The following SYNE2 variants were observed in gnomAD, a reference collection of about 807,000 sequenced individuals.
SYNE2 encodes nesprin-2.
A neutral mutation model predicts 856.3 loss-of-function variants in SYNE2; 431 were observed. That is an observed-to-expected ratio of 0.50 (90% CI 0.47 to 0.55). The LOEUF (loss-of-function observed/expected upper bound fraction) is 0.55. SYNE2 is among the 20% of genes least tolerant of loss of function. SYNE2 has a pLI of 0.00. For synonymous variants in SYNE2, 2,923 were observed against 2,872.3 expected (o/e 1.02, Z -0.56); for missense variants, 8,129 against 8,023.2 (o/e 1.01, Z -0.50).
At chr14:63,949,729 A>G (rs2096120658) in intron 6 of SYNE2, 96 bp from the exon 7 acceptor site, 1 of 1,214,664 alleles carries the variant, frequency 8.2e-7, no homozygotes, top group Non-Finnish European at 1.2e-6. Context: ...TGACTGTCAC[A>G]GGATGCTTTT....
At chr14:64,066,154 C>A (rs1276735251) in intron 51 of SYNE2, among the ~76,000 whole-genome samples, 1 of 152,022 alleles carries the variant, frequency 6.6e-6, no homozygotes, top group East Asian at 1.9e-4. Flanking sequence ...GTTAATTTAA[C>A]CTTGGTTCAG....
chr14:63,983,563 T>G (rs967238792), intron 17 of SYNE2, among the ~76,000 whole-genome samples, 174 bp from the exon 18 acceptor site: 1 of 152,214 alleles, frequency 6.6e-6, no homozygotes, highest in African/African-American at 2.4e-5. Context: ...TTTCAACTGA[T>G]TCTTAACAAT....
chr14:64,187,550 G>A lies in SYNE2; in HGVS notation c.17712+971G>A, dbSNP rs538469051. Among the ~76,000 whole-genome samples the A allele has an allele frequency of 1.5e-4, 23 of 152,280 alleles. 2 individuals are homozygous for A. The South Asian group carries it at 4.8e-3, about 32-fold the overall frequency. On this transcript the variant is annotated intron_variant, in intron 97 of 115. Coordinates refer to ENST00000555002, the MANE Select transcript of SYNE2 (RefSeq NM_182914.3). The stretch of plus-strand genomic sequence containing the variant: ...AGATAAACAGATGCCCCGAGGAATG[G>A]AAACACAACACTTGTTTTTCTAGGA...
chr14:63,816,792 C>T (rs1401568806), intron 1 of SYNE2, among the ~76,000 whole-genome samples: 1 of 152,134 alleles, frequency 6.6e-6, no homozygotes, highest in Non-Finnish European at 1.5e-5. Flanking sequence ...TCATAGCTCA[C>T]TGCAGCCGTG....
intron 66 of SYNE2, among the ~76,000 whole-genome samples, chr14:64,116,419 G>A (rs970264038): frequency 1.3e-5 from 2 of 152,090 alleles, no homozygotes; most frequent in African/African-American, 4.8e-5. Flanking sequence ...TGAGTTAAAA[G>A]TACCATTACT....
At position 64,190,204 on chromosome 14, in the gene SYNE2, G is replaced by A. The variant is rs764566778; in HGVS notation, c.18005G>A (p.Arg6002His). The A allele has an allele frequency of 9.9e-6, 16 of 1,614,040 alleles. No homozygotes were observed. The highest frequency in any genetic ancestry group is 4.5e-5 in the East Asian group (2 of 44,882). Residue 6002 changes from arginine (R) to histidine (H), a missense_variant, in exon 99 of 116, where the codon CGT (arginine) becomes CAT (histidine). Arg to His is a conservative substitution (Grantham distance 29). Around this residue, in one of 3 missense-constraint regions of SYNE2, gnomAD observed 5,410 missense variants for 5,284.8 expected, o/e 1.02. Transcript: ENST00000555002. ...GACAAGCTCAACAAAATTAACGATC[G>A]TTGGCAACATCTTTTTGATGTCATC... The part of the protein sequence containing the change: ...IDDKLNKIND[R>H]WQHLFDVIGS...
At chr14:64,087,560 A>C in intron 57 of SYNE2, 111 bp from the exon 58 acceptor site, 1 of 1,133,132 alleles carries the variant, frequency 8.8e-7, no homozygotes, top group Non-Finnish European at 1.3e-6. Flanking sequence ...ACTAGAAATG[A>C]CTAGTTTAAA....
chr14:63,923,567 G>A (rs541275036), intron 2 of SYNE2, among the ~76,000 whole-genome samples: 2 of 152,324 alleles, frequency 1.3e-5, no homozygotes, highest in East Asian at 3.9e-4. Flanking sequence ...GGTGCTGCAG[G>A]CAAAATGAGG....
chr14:64,013,982 T>C (rs1306071393), intron 32 of SYNE2, among the ~76,000 whole-genome samples: 1 of 152,072 alleles, frequency 6.6e-6, no homozygotes, highest in African/African-American at 2.4e-5. Context: ...GTTATTGCCA[T>C]TTTCTAGCCC....
rs770201996 is a variant in SYNE2 at position 63,982,777 on chromosome 14, G to C, written c.1984G>C (p.Val662Leu). The C allele has an allele frequency of 8.1e-6, 13 of 1,613,810 alleles. No homozygotes were observed. The Admixed American group carries it at 2.0e-4, about 25-fold the overall frequency. Residue 662 changes from valine to leucine, a missense_variant, in exon 17 of 116, where the codon GTT becomes CTT. This residue lies in a region of SYNE2 where 2,422 missense variants were observed against 2,357.4 expected (regional missense o/e 1.03). Transcript: ENST00000555002. ...RRLNKRWRKLVSKTQLEMNLP... is the reference protein window; with the variant it reads ...RRLNKRWRKLLSKTQLEMNLP... Reference sequence around the variant, plus strand: ...GCTGAATAAAAGATGGAGAAAGTTGGTTTCAAAAACTCAACTTGTAAGTTC... The same window carrying C: ...GCTGAATAAAAGATGGAGAAAGTTGCTTTCAAAAACTCAACTTGTAAGTTC...
chr14:63,827,035 T>C (rs146568571), intron 1 of SYNE2, among the ~76,000 whole-genome samples: 5,326 of 152,134 alleles, frequency 0.035, 191 homozygotes, highest in African/African-American at 0.086. Flanking sequence ...CCCAGCACTT[T>C]GGGAGGCTGA....
intron 33 of SYNE2, 79 bp from the exon 34 acceptor site, chr14:64,017,516 A>G (rs947050648): frequency 1.6e-6 from 2 of 1,231,552 alleles, no homozygotes; most frequent in Non-Finnish European, 2.4e-6. Flanking sequence ...ATTTTATTTT[A>G]AAACAGTGTT....
chr14:63,788,025 C>T (rs1279525581), intron 1 of SYNE2, among the ~76,000 whole-genome samples: 1 of 152,228 alleles, frequency 6.6e-6, no homozygotes, highest in Non-Finnish European at 1.5e-5. Context: ...CTTGGCTTCC[C>T]CTCTCACGCT....
chr14:64,173,421 C>A (rs1229757437), intron 94 of SYNE2, among the ~76,000 whole-genome samples: 2 of 152,124 alleles, frequency 1.3e-5, no homozygotes, highest in Non-Finnish European at 2.9e-5. Flanking sequence ...TATTTGTGTG[C>A]TGCTCCTGAG....
rs372150492 is a variant in SYNE2 at position 63,990,946 on chromosome 14, A to G, written c.2477A>G (p.Asn826Ser). The G allele has an allele frequency of 3.5e-4, 563 of 1,614,060 alleles. No homozygotes were observed. The highest frequency in any genetic ancestry group is 4.5e-4 in the Non-Finnish European group (532 of 1,179,942). Reference sequence around the variant, plus strand: ...GAGAATTTTTTTGTCTTCAAGATCAATGTGGTAAAACTCATTGCAGCGTTG... The same window carrying G: ...GAGAATTTTTTTGTCTTCAAGATCAGTGTGGTAAAACTCATTGCAGCGTTG... ...IQEAKEKVQINVVKLIAALKN... is the reference protein window; with the variant it reads ...IQEAKEKVQISVVKLIAALKN... Residue 826 changes from asparagine to serine, a missense_variant, in exon 21 of 116, where the codon AAT becomes AGT. Coordinates refer to ENST00000555002, the MANE Select transcript of SYNE2 (RefSeq NM_182914.3).
At position 64,140,005 on chromosome 14, in the gene SYNE2, T is replaced by C. The variant is rs1442905244; in HGVS notation, c.14908T>C (p.Trp4970Arg). 8 of 1,613,952 alleles carry C rather than the reference T, an allele frequency of 5.0e-6. No homozygotes were observed. The highest frequency in any genetic ancestry group is 4.0e-5 in the African/African-American group (3 of 74,924). Residue 4970 changes from tryptophan (W) to arginine (R), a missense_variant, in exon 80 of 116, where the codon TGG becomes CGG. Around this residue, in one of 3 missense-constraint regions of SYNE2, gnomAD observed 5,410 missense variants for 5,284.8 expected, o/e 1.02. Coordinates refer to ENST00000555002, the MANE Select transcript of SYNE2 (RefSeq NM_182914.3). ...ATCTTCCCAGCATACTCTGAATTACTGGAAAGAACAGTCCCTCAATGTGTC... is the reference window on the plus strand; with the variant it reads ...ATCTTCCCAGCATACTCTGAATTACCGGAAAGAACAGTCCCTCAATGTGTC... ...LESSQHTLNY[W>R]KEQSLNVSQD... is the part of the protein sequence containing the mutation.
At chr14:63,838,913 T>G (rs1049489930) in intron 1 of SYNE2, among the ~76,000 whole-genome samples, 16 of 152,366 alleles carry the variant, frequency 1.1e-4, no homozygotes, top group Admixed American at 3.9e-4. Context: ...TATAAGATAA[T>G]GTGAAATTGA....
intron 46 of SYNE2, chr14:64,048,367 T>C: frequency 2.6e-6 from 1 of 380,736 alleles, no homozygotes; most frequent in Non-Finnish European, 4.7e-6. Flanking sequence ...GACATTAGTC[T>C]TCTTTCTATT....
intron 8 of SYNE2, among the ~76,000 whole-genome samples, chr14:63,957,245 G>T (rs1475078578): frequency 6.7e-6 from 1 of 148,404 alleles, no homozygotes; most frequent in Non-Finnish European, 1.5e-5. Flanking sequence ...CTACAGGTGT[G>T]CGCCACCATG....
Sources: allele counts gnomAD v4.1 joint callset (sites outside exome capture counted in the v4.1 genomes callset), GRCh38; gene constraint gnomAD v4.1.1; regional missense constraint gnomAD v4.1.1; transcripts MANE v1.5; gene names NCBI Gene and HGNC (gene_info 2026-07-23, HGNC 2026-07-21).